The following TBCD variants were observed in gnomAD, a reference collection of about 807,000 sequenced individuals.
The protein encoded by TBCD is tubulin-specific chaperone D.
Under a neutral mutation model 169.3 loss-of-function variants are expected in TBCD, and 105 were observed. That is an observed-to-expected ratio of 0.62 (90% CI 0.53 to 0.73). TBCD has a LOEUF of 0.73. TBCD is among the 30% of genes least tolerant of loss of function. The pLI is 0.00. For missense variants in TBCD, 1,444 were observed against 1,600.1 expected (o/e 0.90, Z 1.66); for synonymous variants, 700 against 643.9 (o/e 1.09, Z -1.32).
intron 13 of TBCD, among the ~76,000 whole-genome samples, chr17:82,853,723 G>A (rs941196816): frequency 2.6e-5 from 4 of 152,006 alleles, no homozygotes; most frequent in Non-Finnish European, 2.9e-5. Flanking sequence ...CTTTGGGTTC[G>A]TGTTTTCTCA....
At chr17:82,940,967 A>G (rs2063168844) in intron 37 of TBCD, among the ~76,000 whole-genome samples, 1 of 152,246 alleles carries the variant, frequency 6.6e-6, no homozygotes, top group Non-Finnish European at 1.5e-5. Flanking sequence ...TTAAAAAAAA[A>G]AATCCTTAGA....
chr17:82,781,837 G>T, intron 7 of TBCD, 116 bp downstream of exon 7: 1 of 1,482,242 alleles, frequency 6.7e-7, no homozygotes, highest in South Asian at 1.3e-5. Flanking sequence ...CCGTGGGATT[G>T]ATTTAACCGG....
In TBCD at chr17:82,937,295, T is replaced by G; in HGVS notation, c.3216T>G (p.Leu1072=). 6.2e-7 allele frequency: 1 copy of G among 1,614,028 alleles called. No homozygotes were observed. The highest frequency in any genetic ancestry group is 1.1e-5 in the South Asian group (1 of 91,082). The change falls in exon 35 of 39, where the codon CTT becomes CTG. Residue 1072 remains leucine, a synonymous_variant. Transcript: ENST00000355528. Reference sequence around the variant, plus strand: ...GCCACCCCTTTGCTGTGAAGTTGCTTGCGCTCTGTAAGAAAGAAATCAAGA... The same window carrying G: ...GCCACCCCTTTGCTGTGAAGTTGCTGGCGCTCTGTAAGAAAGAAATCAAGA... ...EEDHPFAVKL[L]ALCKKEIKNS...
At chr17:82,828,439 C>T (rs562103708) in intron 13 of TBCD, among the ~76,000 whole-genome samples, 4 of 150,952 alleles carry the variant, frequency 2.6e-5, no homozygotes, top group Admixed American at 6.6e-5. Flanking sequence ...CACGTGGACA[C>T]GCACACGATT....
chr17:82,876,419 T>C (rs951563743), intron 14 of TBCD, among the ~76,000 whole-genome samples: 1 of 152,210 alleles, frequency 6.6e-6, no homozygotes, highest in Non-Finnish European at 1.5e-5. Context: ...ACGTGGTGAC[T>C]CACTCAGGGT....
chr17:82,916,621 A>G (rs1357338330), intron 23 of TBCD, among the ~76,000 whole-genome samples: 17 of 152,100 alleles, frequency 1.1e-4, no homozygotes, highest in Non-Finnish European at 1.5e-5. Context: ...TAAAGATAAT[A>G]GTCTCTTGTC....
At chr17:82,894,502 G>A (rs2059351158) in intron 17 of TBCD, among the ~76,000 whole-genome samples, 1 of 152,170 alleles carries the variant, frequency 6.6e-6, no homozygotes, top group South Asian at 2.1e-4. Context: ...TGTAGACCGT[G>A]CAGAAAGGAC....
chr17:82,833,125 A>C lies in TBCD; in HGVS notation c.1318+18191A>C, dbSNP rs1316851760. Among the ~76,000 whole-genome samples the C allele has an allele frequency of 6.6e-6, 1 of 152,022 alleles. No individual in the cohort carries two copies. The highest frequency in any genetic ancestry group is 2.4e-5 in the African/African-American group (1 of 41,380). On this transcript the variant is annotated intron_variant, in intron 13 of 38. Transcript: ENST00000355528. The surrounding 1 kb of genome is among the most constrained non-coding windows in gnomAD (Gnocchi z 4.7). The stretch of plus-strand genomic sequence containing the variant: ...TGTGATCGGCCACACTCTCACGTGA[A>C]ATACGAAGGGGTTTGTGGCTGTTTC...
chr17:82,798,016 G>T (rs1178678912), intron 8 of TBCD, among the ~76,000 whole-genome samples: 1 of 115,212 alleles, frequency 8.7e-6, no homozygotes, highest in Non-Finnish European at 1.7e-5. Context: ...TCCCTCTGTT[G>T]CCCAGGCTGG....
intron 7 of TBCD, among the ~76,000 whole-genome samples, chr17:82,788,424 G>A (rs1236956419): frequency 6.6e-6 from 1 of 152,026 alleles, no homozygotes; most frequent in African/African-American, 2.4e-5. Context: ...CTCGGACTGC[G>A]AGACGGGGCT....
At chr17:82,836,750 G>A (rs968850218) in intron 13 of TBCD, among the ~76,000 whole-genome samples, 5 of 152,042 alleles carry the variant, frequency 3.3e-5, no homozygotes, top group Middle Eastern at 3.4e-3. Flanking sequence ...CACAAAACCC[G>A]TGTTGGTTAG....
chr17:82,752,497 TGC>T, intron 1 of TBCD, 120 bp downstream of exon 1: 1 of 811,680 alleles, frequency 1.2e-6, no homozygotes, highest in Non-Finnish European at 1.5e-6. Flanking sequence ...GGGCTGCCGG[TGC>T]GCGGTCCCGC....
intron 6 of TBCD, 43 bp from the exon 7 acceptor site, chr17:82,781,546 G>C (rs373119716): frequency 6.2e-7 from 1 of 1,609,464 alleles, no homozygotes; most frequent in Non-Finnish European, 8.5e-7. Flanking sequence ...CGTGGGCGAG[G>C]TCTCAGTGCT....
intron 22 of TBCD, among the ~76,000 whole-genome samples, chr17:82,910,664 C>A (rs894607490): frequency 1.3e-5 from 2 of 151,974 alleles, no homozygotes; most frequent in Non-Finnish European, 2.9e-5. Context: ...CTCCCACGTT[C>A]AAGCGACTCT....
At chr17:82,818,376 G>C (rs2052117539) in intron 13 of TBCD, among the ~76,000 whole-genome samples, 1 of 152,224 alleles carries the variant, frequency 6.6e-6, no homozygotes, top group Non-Finnish European at 1.5e-5. Flanking sequence ...CTCAGGAGGT[G>C]ACAGGGCTGA....
intron 7 of TBCD, among the ~76,000 whole-genome samples, chr17:82,794,770 C>CT (rs1341778857): frequency 5.9e-5 from 9 of 152,240 alleles, no homozygotes; most frequent in African/African-American, 1.9e-4. Context: ...TTTTGCCCTC[C>CT]TGCACCCATG....
chr17:82,877,129 G>A, intron 14 of TBCD: 1 of 370,474 alleles, frequency 2.7e-6, no homozygotes, highest in Non-Finnish European at 3.7e-6. Context: ...AGTATTGGCT[G>A]GAGCCGGCGG....
intron 2 of TBCD, among the ~76,000 whole-genome samples, chr17:82,756,801 T>A (rs2047427015): frequency 6.6e-6 from 1 of 152,078 alleles, no homozygotes; most frequent in East Asian, 1.9e-4. Context: ...TTAGTTTACA[T>A]TAGTTTATTA....
At chr17:82,905,039 C>A (rs374992647) in intron 19 of TBCD, among the ~76,000 whole-genome samples, 1 of 152,218 alleles carries the variant, frequency 6.6e-6, no homozygotes, top group Non-Finnish European at 1.5e-5. Flanking sequence ...GGCTTAGGCT[C>A]GGGGAGCTTG....
Sources: allele counts gnomAD v4.1 joint callset (sites outside exome capture counted in the v4.1 genomes callset), GRCh38; gene constraint gnomAD v4.1.1; non-coding constraint Gnocchi (gnomAD v3.1); transcripts MANE v1.5; gene names NCBI Gene and HGNC (gene_info 2026-07-23, HGNC 2026-07-21).